Variants in PSMD1 observed in about 807,000 individuals in gnomAD.
PSMD1 encodes the protein proteasome 26S subunit, non-ATPase 1, also known as 26S proteasome non-ATPase regulatory subunit 1.
In PSMD1, 18 loss-of-function variants were observed where a neutral mutation model predicts 119.0. The ratio of observed to expected loss-of-function variants is 0.15; its 90% CI spans 0.10 to 0.22. PSMD1 has a LOEUF of 0.22. Ranked by LOEUF, PSMD1 falls within the 10% of genes least tolerant of loss-of-function variation. PSMD1 has a pLI of 1.00. For synonymous variants in PSMD1, 374 were observed against 396.6 expected (o/e 0.94, Z 0.68); for missense variants, 702 against 1,158.5 (o/e 0.61, Z 5.72).
chr2:231,132,140 A>C (rs928118219), intron 16 of PSMD1, among the ~76,000 whole-genome samples: 4 of 152,250 alleles, frequency 2.6e-5, no homozygotes, highest in Non-Finnish European at 5.9e-5. Context: ...CCTTTTGGGA[A>C]GCAAAACTTA....
At chr2:231,084,453 A>C (rs1472587334) in intron 14 of PSMD1, among the ~76,000 whole-genome samples, 1 of 151,958 alleles carries the variant, frequency 6.6e-6, no homozygotes, top group Non-Finnish European at 1.5e-5. Flanking sequence ...ACCAATCTCT[A>C]TACTTGTTTA....
At chr2:231,072,534 G>T in intron 7 of PSMD1, 119 bp downstream of exon 7, 2 of 867,586 alleles carry the variant, frequency 2.3e-6, no homozygotes, top group Non-Finnish European at 1.8e-6. Context: ...AGCTTTCATA[G>T]ATTGTAAAGT....
intron 16 of PSMD1, among the ~76,000 whole-genome samples, chr2:231,109,806 G>C (rs534456924): frequency 6.6e-6 from 1 of 152,312 alleles, no homozygotes; most frequent in South Asian, 2.1e-4. Flanking sequence ...AGTTGATCTA[G>C]AGGCACTTCA....
At chr2:231,084,881 C>T (rs1694393760) in intron 14 of PSMD1, 138 bp from the exon 15 acceptor site, 1 of 643,624 alleles carries the variant, frequency 1.6e-6, no homozygotes, top group African/African-American at 1.8e-5. Context: ...TCAAAAACTA[C>T]CAACCACAAA....
chr2:231,120,096 CGCGT>C (rs1695485586), intron 16 of PSMD1, among the ~76,000 whole-genome samples: 1 of 151,724 alleles, frequency 6.6e-6, no homozygotes, highest in South Asian at 2.1e-4. Context: ...GGACTACAGG[CGCGT>C]ACCACCATGC....
intron 16 of PSMD1, among the ~76,000 whole-genome samples, chr2:231,120,449 A>G (rs1421316973): frequency 1.3e-5 from 2 of 152,140 alleles, no homozygotes; most frequent in Non-Finnish European, 2.9e-5. Flanking sequence ...TGGACAAGAC[A>G]ATAAAAAACT....
chr2:231,109,774 C>CT (rs1322187814), intron 16 of PSMD1, among the ~76,000 whole-genome samples: 1 of 152,142 alleles, frequency 6.6e-6, no homozygotes, highest in African/African-American at 2.4e-5. Flanking sequence ...AGAGAACCTG[C>CT]TTTTTTCTTA....
At chr2:231,109,657 C>T (rs1219075917) in intron 16 of PSMD1, among the ~76,000 whole-genome samples, 1 of 152,180 alleles carries the variant, frequency 6.6e-6, no homozygotes, top group East Asian at 1.9e-4. Context: ...TCCCCTAAAG[C>T]TATAGTATAT....
rs377606379 is a variant in PSMD1, at chr2:231,154,592, C to G, written c.2218+926C>G. Among the ~76,000 whole-genome samples the G allele has an allele frequency of 3.9e-5, 6 of 152,252 alleles. No homozygotes were observed. In the East Asian group the frequency reaches 1.2e-3, roughly 29 times the overall value. On this transcript the variant is annotated intron_variant, in intron 19 of 24. Coordinates refer to ENST00000308696, the MANE Select transcript of PSMD1 (RefSeq NM_002807.4). The stretch of plus-strand genomic sequence containing the variant: ...AGGCAATCATCTTGCCTCAGCCTCC[C>G]AAGTAGCTGAGACTACAAGCATATG...
chr2:231,168,576 T>C (rs1324155325), intron 23 of PSMD1, among the ~76,000 whole-genome samples: 2 of 152,240 alleles, frequency 1.3e-5, no homozygotes, highest in African/African-American at 4.8e-5. Flanking sequence ...TGGTTCCCTT[T>C]ATGTGAAACA....
intron 18 of PSMD1, among the ~76,000 whole-genome samples, chr2:231,150,206 G>A (rs1179696014): frequency 1.3e-5 from 2 of 152,042 alleles, no homozygotes; most frequent in African/African-American, 4.8e-5. Flanking sequence ...AATTAGCTGA[G>A]TGTGGTGGCA....
chr2:231,108,611 G>T (rs777182510), intron 16 of PSMD1: 1 of 1,613,938 alleles, frequency 6.2e-7, no homozygotes, highest in Non-Finnish European at 8.5e-7. Context: ...CTGAATGGTT[G>T]AACTTCGGAG....
intron 10 of PSMD1, 117 bp downstream of exon 10, chr2:231,078,864 G>A (rs189333741): frequency 4.7e-6 from 3 of 632,456 alleles, no homozygotes; most frequent in East Asian, 3.3e-5. Flanking sequence ...ATGCGATCTC[G>A]GCTCACTGCA....
chr2:231,066,873 A>G (rs1191195396), intron 4 of PSMD1, 33 bp from the exon 5 acceptor site: 1 of 1,517,258 alleles, frequency 6.6e-7, no homozygotes, highest in Non-Finnish European at 8.8e-7. Context: ...AGCCCAATTT[A>G]CAAGATAATC....
intron 18 of PSMD1, among the ~76,000 whole-genome samples, chr2:231,148,703 T>C (rs945566617): frequency 6.6e-6 from 1 of 152,240 alleles, no homozygotes; most frequent in Non-Finnish European, 1.5e-5. Context: ...AGAGCAAAGT[T>C]GTTACTCAGC....
chr2:231,066,732 C>G (rs1029754696), intron 4 of PSMD1, among the ~76,000 whole-genome samples, 174 bp from the exon 5 acceptor site: 1 of 147,582 alleles, frequency 6.8e-6, no homozygotes, highest in African/African-American at 2.5e-5. Context: ...TGTAGTTCTC[C>G]GGTGTAAATA....
Position 231,096,793 on chromosome 2 carries a change from G to T in PSMD1, c.1883+9612G>T, listed in dbSNP as rs182713891. On this transcript the variant is annotated intron_variant, in intron 16 of 24. Coordinates refer to ENST00000308696, the MANE Select transcript of PSMD1 (RefSeq NM_002807.4). Reference sequence around the variant, plus strand: ...TTTCCCTATTGGCTAGGGTTAGACCGCACAGGCTAAACTAATTCTGATTGG... The same window carrying T: ...TTTCCCTATTGGCTAGGGTTAGACCTCACAGGCTAAACTAATTCTGATTGG... Among the ~76,000 whole-genome samples the T allele has an allele frequency of 8.7e-4, 133 of 152,294 alleles. 1 individual carries two copies. Among genetic ancestry groups the T allele is most frequent in the African/African-American group, 3.0e-3 (123 of 41,554 alleles).
At chr2:231,085,775 A>C (rs1285412266) in intron 15 of PSMD1, among the ~76,000 whole-genome samples, 2 of 152,108 alleles carry the variant, frequency 1.3e-5, no homozygotes, top group African/African-American at 4.8e-5. Context: ...TGTAGTTATC[A>C]GCAATAAGTA....
intron 7 of PSMD1, among the ~76,000 whole-genome samples, chr2:231,073,261 C>T (rs1454556684): frequency 1.3e-5 from 2 of 152,024 alleles, no homozygotes; most frequent in Non-Finnish European, 2.9e-5. Flanking sequence ...ACAGATATAA[C>T]GATAATTAAA....
Sources: allele counts gnomAD v4.1 joint callset (sites outside exome capture counted in the v4.1 genomes callset), GRCh38; gene constraint gnomAD v4.1.1; transcripts MANE v1.5; gene names NCBI Gene and HGNC (gene_info 2026-07-23, HGNC 2026-07-21).